PIK3C2G: variants seen among roughly 807,000 people sequenced by gnomAD.
PIK3C2G encodes phosphatidylinositol-4-phosphate 3-kinase catalytic subunit type 2 gamma, also known as phosphatidylinositol 3-kinase C2 domain-containing subunit gamma.
PIK3C2G carries 168 observed loss-of-function variants against 181.1 expected under a neutral mutation model. That is an observed-to-expected ratio of 0.93 (90% CI 0.82 to 1.05). PIK3C2G has a LOEUF of 1.05. Among genes scored for constraint, PIK3C2G ranks in the 50% least tolerant of loss-of-function variants. The pLI is 0.00. For missense variants in PIK3C2G, 1,869 were observed against 1,732.8 expected, an observed-to-expected ratio of 1.08 and a Z score of -1.40; for synonymous variants, 573 against 592.2, an observed-to-expected ratio of 0.97 and a Z score of 0.47.
chr12:18,611,412 A>T (rs1487781981), intron 31 of PIK3C2G, among the ~76,000 whole-genome samples: 1 of 152,058 alleles, frequency 6.6e-6, no homozygotes, highest in Non-Finnish European at 1.5e-5. Context: ...ACATTGAAAG[A>T]TTTTAGTGCC....
chr12:18,513,852 T>C (rs1359131203), intron 24 of PIK3C2G, among the ~76,000 whole-genome samples: 2 of 151,794 alleles, frequency 1.3e-5, no homozygotes, highest in African/African-American at 2.4e-5. Context: ...TTTCGTTAAT[T>C]TCTGCTCTGG....
At chr12:18,440,934 G>C (rs1242469575) in intron 18 of PIK3C2G, among the ~76,000 whole-genome samples, 1 of 151,954 alleles carries the variant, frequency 6.6e-6, no homozygotes, top group African/African-American at 2.4e-5. Context: ...ATATACGTAA[G>C]GTTCAAAGCC....
At chr12:18,628,121 G>A (rs1341037974) in intron 31 of PIK3C2G, among the ~76,000 whole-genome samples, 1 of 151,988 alleles carries the variant, frequency 6.6e-6, no homozygotes, top group East Asian at 1.9e-4. Context: ...TAGGAACATA[G>A]GTTATATAGA....
At chr12:18,503,541 A>G in intron 23 of PIK3C2G, 124 bp downstream of exon 23, 1 of 588,764 alleles carries the variant, frequency 1.7e-6, no homozygotes, top group Non-Finnish European at 2.7e-6. Flanking sequence ...CAATCAGCCC[A>G]GTAATTAATT....
chr12:18,345,206 T>C (rs1349157654), intron 10 of PIK3C2G, among the ~76,000 whole-genome samples: 1 of 151,486 alleles, frequency 6.6e-6, no homozygotes, highest in Non-Finnish European at 1.5e-5. Context: ...TGCCTCCTGC[T>C]GTTCAGCAGA....
the PIK3C2G span, chr12:18,693,520 G>T: frequency 4.3e-6 from 7 of 1,611,722 alleles, no homozygotes; most frequent in Non-Finnish European, 5.9e-6. Flanking sequence ...CCACTTTCTT[G>T]AGAGTGGTTG....
intron 5 of PIK3C2G, among the ~76,000 whole-genome samples, chr12:18,296,388 G>C (rs1949942836): frequency 6.6e-6 from 1 of 152,048 alleles, no homozygotes; most frequent in East Asian, 1.9e-4. Context: ...ACAAGCATCT[G>C]GTGATGCCTA....
intron 29 of PIK3C2G, among the ~76,000 whole-genome samples, chr12:18,590,708 A>G (rs1565538841): frequency 6.6e-6 from 1 of 151,936 alleles, no homozygotes; most frequent in Non-Finnish European, 1.5e-5. Flanking sequence ...AGAAAATTTA[A>G]AAGTTGATCA....
intron 32 of PIK3C2G, among the ~76,000 whole-genome samples, chr12:18,644,808 C>G (rs529674132): frequency 1.6e-4 from 25 of 152,272 alleles, no homozygotes; most frequent in African/African-American, 5.8e-4. Context: ...TACCCCTGTT[C>G]TCGCTTTTGA....
Position 18,561,302 on chromosome 12 carries a change from G to A in PIK3C2G, c.3591-1401G>A, listed in dbSNP as rs77197295. On this transcript the variant is annotated intron_variant, in intron 26 of 32. Transcript: ENST00000538779. The stretch of plus-strand genomic sequence containing the variant: ...TACAGTTCAATTGTACTATACAATC[G>A]TAGGTCAATAAAAAAATGGAGGTGG... 7.2e-3 allele frequency among the ~76,000 whole-genome samples: 1,101 copies of A among 152,190 alleles called. 12 individuals carry two copies. Among genetic ancestry groups the A allele is most frequent in the African/African-American group, 0.025 (1,036 of 41,524 alleles).
chr12:18,304,536 C>T lies in PIK3C2G; in HGVS notation c.1035-9426C>T, dbSNP rs142940087. ...CCTCCCAAAATGCTGGGATTACAGG[C>T]GTGAGCTACCTCGCCCGGCCCAATT... On this transcript the variant is annotated intron_variant, in intron 5 of 32. Transcript: ENST00000538779. Among the ~76,000 whole-genome samples the T allele has an allele frequency of 5.8e-3, 876 of 152,290 alleles. 10 individuals carry two copies. Among genetic ancestry groups the T allele is most frequent in the African/African-American group, 0.02 (813 of 41,552 alleles).
chr12:18,583,473 C>T (rs184108721), intron 29 of PIK3C2G, among the ~76,000 whole-genome samples: 2 of 152,032 alleles, frequency 1.3e-5, no homozygotes, highest in Non-Finnish European at 2.9e-5. Context: ...CTGCAAATCC[C>T]TGAGACAGAG....
intron 7 of PIK3C2G, among the ~76,000 whole-genome samples, chr12:18,321,459 A>G (rs1951102975): frequency 6.6e-6 from 1 of 152,194 alleles, no homozygotes; most frequent in African/African-American, 2.4e-5. Context: ...AAATTGGAAA[A>G]CTTGATTGAC....
At chr12:18,405,519 A>G (rs1944480036) in intron 16 of PIK3C2G, among the ~76,000 whole-genome samples, 1 of 151,894 alleles carries the variant, frequency 6.6e-6, no homozygotes, top group Non-Finnish European at 1.5e-5. Flanking sequence ...TCCCCGGGAG[A>G]ACAGCAACAT....
intron 5 of PIK3C2G, among the ~76,000 whole-genome samples, chr12:18,305,692 C>T (rs1258314084): frequency 6.6e-6 from 1 of 151,978 alleles, no homozygotes; most frequent in East Asian, 1.9e-4. Flanking sequence ...TAAGACAAAA[C>T]ATTACTCATT....
chr12:18,484,108 C>T (rs890325573), intron 18 of PIK3C2G, among the ~76,000 whole-genome samples: 4 of 152,096 alleles, frequency 2.6e-5, no homozygotes. Context: ...TTCTGTTGAC[C>T]AAAGCAAATC....
At chr12:18,708,591 T>A in the PIK3C2G span, among the ~76,000 whole-genome samples, 4 of 152,290 alleles carry the variant, frequency 2.6e-5, no homozygotes, top group African/African-American at 9.6e-5. Flanking sequence ...CCATGCTGTA[T>A]TCCCATTGGT....
chr12:18,361,841 T>C (rs1259799925), intron 11 of PIK3C2G, among the ~76,000 whole-genome samples: 3 of 152,204 alleles, frequency 2.0e-5, no homozygotes, highest in Non-Finnish European at 4.4e-5. Context: ...AGGCAATCTC[T>C]TTAAAAGCTG....
the PIK3C2G span, among the ~76,000 whole-genome samples, chr12:18,664,371 T>C: frequency 2.6e-5 from 4 of 152,210 alleles, no homozygotes; most frequent in African/African-American, 9.7e-5. Context: ...GTAACCCAAA[T>C]ATCCATTGAT....
Sources: gnomAD v4.1 joint callset for allele counts (sites outside exome capture counted in the v4.1 genomes callset) on GRCh38, gnomAD v4.1.1 for gene constraint, MANE v1.5 for transcripts, NCBI Gene and HGNC (gene_info 2026-07-23, HGNC 2026-07-21) for gene names.